The following FSTL4 variants were observed in gnomAD, a reference collection of about 807,000 sequenced individuals.
FSTL4 encodes the protein follistatin like 4, also known as follistatin-related protein 4.
In FSTL4, 28 loss-of-function variants were observed where a neutral mutation model predicts 78.2. That is an observed-to-expected ratio of 0.36 (90% CI 0.27 to 0.49). The LOEUF is 0.49. FSTL4 is among the 20% of genes least tolerant of loss of function. The pLI is 0.98. For synonymous variants in FSTL4, 422 were observed against 440.5 expected, an observed-to-expected ratio of 0.96 and a Z score of 0.53; for missense variants, 922 against 1,084.9, an observed-to-expected ratio of 0.85 and a Z score of 2.11.
chr5:133,655,624 C>G, the FSTL4 span, among the ~76,000 whole-genome samples: 1 of 151,948 alleles, frequency 6.6e-6, no homozygotes, highest in Non-Finnish European at 1.5e-5. Flanking sequence ...TGTTCATGGA[C>G]CCAGAGGCCC....
intron 3 of FSTL4, 102 bp downstream of exon 3, chr5:133,567,084 A>G (rs1760041974): frequency 2.3e-6 from 2 of 867,718 alleles, no homozygotes; most frequent in South Asian, 1.4e-5. Flanking sequence ...TGAAATTTCA[A>G]AGAATGAGCT....
chr5:133,725,311 C>T, the FSTL4 span, among the ~76,000 whole-genome samples: 7 of 152,234 alleles, frequency 4.6e-5, no homozygotes, highest in East Asian at 1.3e-3. Flanking sequence ...GAAACTAGAT[C>T]CAGAGATGAA....
intron 3 of FSTL4, among the ~76,000 whole-genome samples, chr5:133,431,050 G>C (rs1345996834): frequency 6.6e-6 from 1 of 152,180 alleles, no homozygotes; most frequent in Non-Finnish European, 1.5e-5. Flanking sequence ...AAATAGGAGA[G>C]ACCTAGAGGG....
intron 6 of FSTL4, among the ~76,000 whole-genome samples, chr5:133,311,594 G>A (rs1282830012): frequency 6.6e-6 from 1 of 152,222 alleles, no homozygotes; most frequent in African/African-American, 2.4e-5. Context: ...TTGTGAAGGT[G>A]TGGAATAGCA....
intron 2 of FSTL4, among the ~76,000 whole-genome samples, chr5:133,570,876 A>G (rs1203071319): frequency 6.6e-6 from 1 of 152,220 alleles, no homozygotes; most frequent in African/African-American, 2.4e-5. Context: ...GCCAAACAGA[A>G]TATAATATTC....
At chr5:133,304,649 T>C (rs1753617664) in intron 6 of FSTL4, among the ~76,000 whole-genome samples, 1 of 152,182 alleles carries the variant, frequency 6.6e-6, no homozygotes, top group African/African-American at 2.4e-5. Flanking sequence ...AAGACTCAGC[T>C]CCAGACAATG....
chr5:133,318,054 T>C (rs2126893902), intron 4 of FSTL4, among the ~76,000 whole-genome samples: 1 of 152,344 alleles, frequency 6.6e-6, no homozygotes, highest in South Asian at 2.1e-4. Context: ...CAGATTTTCT[T>C]CCAATTTGGG....
At chr5:133,530,750 G>T (rs1759234245) in intron 3 of FSTL4, among the ~76,000 whole-genome samples, 1 of 152,220 alleles carries the variant, frequency 6.6e-6, no homozygotes, top group African/African-American at 2.4e-5. Context: ...GGAGCCCCAA[G>T]ATAAACAAGG....
At chr5:133,415,408 C>T (rs1044664270) in intron 3 of FSTL4, among the ~76,000 whole-genome samples, 1 of 152,110 alleles carries the variant, frequency 6.6e-6, no homozygotes, top group East Asian at 1.9e-4. Flanking sequence ...TCTTAAAAAT[C>T]AAAATATTCT....
intron 6 of FSTL4, among the ~76,000 whole-genome samples, chr5:133,266,421 T>C (rs1039291395): frequency 6.6e-6 from 1 of 152,216 alleles, no homozygotes; most frequent in Non-Finnish European, 1.5e-5. Context: ...TTAAAATGCA[T>C]GTGGTTTGGA....
intron 3 of FSTL4, among the ~76,000 whole-genome samples, chr5:133,526,793 A>G (rs138564745): frequency 5.2e-4 from 79 of 152,310 alleles, no homozygotes; most frequent in Non-Finnish European, 1.0e-3. Context: ...GAGAAGGAGC[A>G]GAACTTGTCG....
chr5:133,418,247 C>T (rs906693171), intron 3 of FSTL4, among the ~76,000 whole-genome samples: 3 of 151,518 alleles, frequency 2.0e-5, no homozygotes, highest in Admixed American at 6.6e-5. Flanking sequence ...TATAAATTAC[C>T]GATATCAGGA....
chr5:133,815,820 C>T, the FSTL4 span, among the ~76,000 whole-genome samples: 3 of 152,156 alleles, frequency 2.0e-5, no homozygotes, highest in Non-Finnish European at 4.4e-5. Context: ...ACCCTAAAAG[C>T]TCTGGCTTCT....
the FSTL4 span, among the ~76,000 whole-genome samples, chr5:133,769,742 A>AT: frequency 6.8e-3 from 1,032 of 152,220 alleles, 14 homozygotes; most frequent in African/African-American, 0.024. Context: ...ACAAGTACAG[A>AT]TTTTTTATAT....
chr5:133,270,729 T>C (rs1193645215), intron 6 of FSTL4, among the ~76,000 whole-genome samples: 1 of 152,142 alleles, frequency 6.6e-6, no homozygotes, highest in African/African-American at 2.4e-5. Flanking sequence ...CAGATGACAA[T>C]GCGGGGACTG....
rs1035527999 is a variant in FSTL4, at chr5:133,611,514, C to G, written c.-11+811G>C. 6.6e-6 allele frequency among the ~76,000 whole-genome samples: 1 copy of G among 152,180 alleles called. No homozygotes were observed. Among genetic ancestry groups the G allele is most frequent in the Non-Finnish European group, 1.5e-5 (1 of 68,048 alleles). On this transcript the variant is annotated intron_variant, in intron 1 of 15. Coordinates refer to ENST00000265342, the MANE Select transcript of FSTL4 (RefSeq NM_015082.2). The surrounding 1 kb of genome is among the most constrained non-coding windows in gnomAD (Gnocchi z 4.9). Reference sequence around the variant, plus strand: ...AAACTCAGAACTCGTCTTTGTTTTGCGGGCGCAAAGAGGGCGGAGATCATC... The same window carrying G: ...AAACTCAGAACTCGTCTTTGTTTTGGGGGCGCAAAGAGGGCGGAGATCATC...
chr5:133,839,906 G>T, the FSTL4 span, among the ~76,000 whole-genome samples: 1 of 152,226 alleles, frequency 6.6e-6, no homozygotes, highest in Non-Finnish European at 1.5e-5. Flanking sequence ...CCAGTTGGCA[G>T]GTCTTGTGTG....
the FSTL4 span, among the ~76,000 whole-genome samples, chr5:133,721,324 G>A: frequency 5.9e-5 from 9 of 152,020 alleles, no homozygotes; most frequent in South Asian, 1.3e-3. Context: ...ATACACCAGC[G>A]GTATTATAGT....
At chr5:133,659,340 T>G in the FSTL4 span, among the ~76,000 whole-genome samples, 1 of 152,126 alleles carries the variant, frequency 6.6e-6, no homozygotes, top group Non-Finnish European at 1.5e-5. Context: ...TTTACCAATA[T>G]ATAGCATCCT....
Sources: gnomAD v4.1 joint callset for allele counts (sites outside exome capture counted in the v4.1 genomes callset) on GRCh38, gnomAD v4.1.1 for gene constraint, Gnocchi (gnomAD v3.1) non-coding constraint, MANE v1.5 for transcripts, NCBI Gene and HGNC (gene_info 2026-07-23, HGNC 2026-07-21) for gene names.